The following AUTS2 variants were observed in gnomAD, a reference collection of about 807,000 sequenced individuals.
AUTS2 encodes autism susceptibility gene 2 protein.
A neutral mutation model predicts 112.4 loss-of-function variants in AUTS2; 17 were observed. The observed-to-expected ratio is 0.15, with a 90% CI of 0.10 to 0.23. AUTS2 has a LOEUF of 0.23. Ranked by LOEUF, AUTS2 falls within the 10% of genes least tolerant of loss-of-function variation. The pLI is 1.00. For missense variants in AUTS2, 1,510 were observed against 1,701.6 expected, an observed-to-expected ratio of 0.89 and a Z score of 1.98; for synonymous variants, 751 against 702.7, an observed-to-expected ratio of 1.07 and a Z score of -1.09.
At chr7:70,245,134 GTGTGTGTGTGTATATA>G (rs1812837262) in intron 4 of AUTS2, among the ~76,000 whole-genome samples, 1 of 63,362 alleles carries the variant, frequency 1.6e-5, no homozygotes, top group African/African-American at 6.1e-5. Flanking sequence ...AAAAAAAAAA[GTGTGTGTGTGTATATA>G]TATATATATA....
chr7:69,878,883 A>G (rs961504220), intron 1 of AUTS2, among the ~76,000 whole-genome samples: 7 of 152,098 alleles, frequency 4.6e-5, no homozygotes, highest in African/African-American at 1.2e-4. Flanking sequence ...GTGTCCTGCT[A>G]TTGAAAAGAG....
At chr7:70,010,898 G>A (rs1227876515) in intron 2 of AUTS2, among the ~76,000 whole-genome samples, 1 of 152,200 alleles carries the variant, frequency 6.6e-6, no homozygotes, top group African/African-American at 2.4e-5. Flanking sequence ...GGAAAAGCTT[G>A]TAAGGGGATC....
intron 5 of AUTS2, among the ~76,000 whole-genome samples, chr7:70,448,065 A>G (rs1464736161): frequency 6.6e-6 from 1 of 152,228 alleles, no homozygotes; most frequent in Non-Finnish European, 1.5e-5. Context: ...GCTGCCATAT[A>G]GAATAAAATG....
chr7:70,294,159 G>T (rs1242019354), intron 4 of AUTS2: 1 of 152,126 alleles, frequency 6.6e-6, no homozygotes, highest in Non-Finnish European at 1.5e-5. Context: ...CCTTTTCTTT[G>T]TGTTTGCATA....
chr7:69,643,923 A>G (rs1476814243), intron 1 of AUTS2, among the ~76,000 whole-genome samples: 1 of 152,194 alleles, frequency 6.6e-6, no homozygotes, highest in Non-Finnish European at 1.5e-5. Flanking sequence ...AACCTGGGCA[A>G]CAGAGTGAGA....
At chr7:69,984,156 G>A (rs1226694325) in intron 2 of AUTS2, among the ~76,000 whole-genome samples, 3 of 152,140 alleles carry the variant, frequency 2.0e-5, no homozygotes, top group African/African-American at 4.8e-5. Context: ...AGTGGCTCAC[G>A]CTTGTAATCC....
chr7:69,933,752 A>G (rs1275088333), intron 2 of AUTS2, among the ~76,000 whole-genome samples: 1 of 152,048 alleles, frequency 6.6e-6, no homozygotes, highest in Non-Finnish European at 1.5e-5. Flanking sequence ...CAGTCCTCCC[A>G]CCTCAGCCTC....
At chr7:70,216,789 A>G (rs1811188243) in intron 4 of AUTS2, among the ~76,000 whole-genome samples, 1 of 152,172 alleles carries the variant, frequency 6.6e-6, no homozygotes. Flanking sequence ...GTCTGCTGTC[A>G]TGATCTTACT....
chr7:70,197,391 C>T lies in AUTS2; in HGVS notation c.660+62820C>T, dbSNP rs531023684. Among the ~76,000 whole-genome samples the T allele has an allele frequency of 1.5e-4, 22 of 151,318 alleles. No homozygotes were observed. In the East Asian group the frequency reaches 2.0e-3, roughly 14 times the overall value. On this transcript the variant is annotated intron_variant, in intron 4 of 18. Coordinates refer to ENST00000342771, the MANE Select transcript of AUTS2 (RefSeq NM_015570.4). ...GGTCTACAGCTCCCAGCGTGAGCGA[C>T]GCAGAAGACGGGTGATTTCTGCATT...
chr7:69,758,251 A>G (rs766651846), intron 1 of AUTS2, among the ~76,000 whole-genome samples: 2 of 152,212 alleles, frequency 1.3e-5, no homozygotes, highest in Admixed American at 6.5e-5. Context: ...CTGAAGCAGC[A>G]TATACACAAG....
intron 4 of AUTS2, among the ~76,000 whole-genome samples, chr7:70,315,433 G>A (rs1319299432): frequency 6.6e-6 from 1 of 152,138 alleles, no homozygotes; most frequent in Non-Finnish European, 1.5e-5. Context: ...AGATGGTTGT[G>A]AGGATGAAAT....
intron 2 of AUTS2, among the ~76,000 whole-genome samples, chr7:69,931,876 T>TA (rs1459995890): frequency 2.6e-5 from 4 of 152,232 alleles, no homozygotes; most frequent in Non-Finnish European, 5.9e-5. Flanking sequence ...GCTGACGACT[T>TA]ACCTTGATGA....
In AUTS2 at chr7:70,326,185, T is replaced by A. The variant is rs144004050; in HGVS notation, c.661-109567T>A. Reference sequence around the variant, plus strand: ...CTGATATGCTCTTCCAAGGCTTTCCTGATTGTCTGTCCACCCATACCCAAG... The same window carrying A: ...CTGATATGCTCTTCCAAGGCTTTCCAGATTGTCTGTCCACCCATACCCAAG... On this transcript the variant is annotated intron_variant, in intron 4 of 18. Transcript: ENST00000342771. Among the ~76,000 whole-genome samples the A allele has an allele frequency of 2.3e-3, 349 of 152,286 alleles. 1 individual carries two copies. Among genetic ancestry groups the A allele is most frequent in the African/African-American group, 8.0e-3 (333 of 41,556 alleles).
intron 1 of AUTS2, among the ~76,000 whole-genome samples, chr7:69,873,953 A>C (rs1418778671): frequency 1.3e-5 from 2 of 152,244 alleles, no homozygotes; most frequent in Non-Finnish European, 2.9e-5. Context: ...TTGGTTGGAA[A>C]AGTGAATGTA....
At chr7:69,648,467 A>C (rs1455656669) in intron 1 of AUTS2, among the ~76,000 whole-genome samples, 2 of 151,712 alleles carry the variant, frequency 1.3e-5, no homozygotes, top group African/African-American at 4.9e-5. Flanking sequence ...AAAAAAAAAA[A>C]ACTCCACGTG....
intron 1 of AUTS2, among the ~76,000 whole-genome samples, chr7:69,697,706 C>A (rs1246771283): frequency 6.6e-6 from 1 of 152,216 alleles, no homozygotes; most frequent in Non-Finnish European, 1.5e-5. Context: ...GAGCTCTCCA[C>A]CCCAGCTTTT....
intron 5 of AUTS2, among the ~76,000 whole-genome samples, chr7:70,525,759 G>A (rs1799814136): frequency 6.6e-6 from 1 of 152,244 alleles, no homozygotes; most frequent in Admixed American, 6.5e-5. Context: ...CACTTGTGGA[G>A]AAGATGAACA....
chr7:70,048,276 A>G (rs1446196096), intron 2 of AUTS2, among the ~76,000 whole-genome samples: 1 of 152,018 alleles, frequency 6.6e-6, no homozygotes, highest in Non-Finnish European at 1.5e-5. Context: ...CTGTATCTCC[A>G]TTACATCACA....
intron 1 of AUTS2, among the ~76,000 whole-genome samples, chr7:69,707,630 T>G (rs2129196988): frequency 6.6e-6 from 1 of 152,350 alleles, no homozygotes; most frequent in East Asian, 1.9e-4. Context: ...AACTATCTTT[T>G]GTGCCTTTCT....
Sources: gnomAD v4.1 joint callset for allele counts (sites outside exome capture counted in the v4.1 genomes callset) on GRCh38, gnomAD v4.1.1 for gene constraint, MANE v1.5 for transcripts, NCBI Gene and HGNC (gene_info 2026-07-23, HGNC 2026-07-21) for gene names.